Variants in PARD3 observed in about 807,000 individuals in gnomAD.
The protein encoded by PARD3 is partitioning defective 3 homolog.
PARD3 carries 75 observed loss-of-function variants against 155.4 expected under a neutral mutation model. The observed-to-expected ratio is 0.48, with a 90% CI of 0.40 to 0.58. The LOEUF (loss-of-function observed/expected upper bound fraction) is 0.58. Ranked by LOEUF, PARD3 falls within the 20% of genes least tolerant of loss-of-function variation. PARD3 has a pLI of 0.00. For missense variants in PARD3, 1,642 were observed against 1,721.7 expected (o/e 0.95, Z 0.82); for synonymous variants, 576 against 610.5 (o/e 0.94, Z 0.83).
chr10:34,534,267 A>G (rs903607286), intron 2 of PARD3, among the ~76,000 whole-genome samples: 1 of 148,016 alleles, frequency 6.8e-6, no homozygotes, highest in Non-Finnish European at 1.5e-5. Context: ...CTCCATCTCA[A>G]AAAAAAAAAA....
intron 2 of PARD3, among the ~76,000 whole-genome samples, chr10:34,536,549 G>A (rs2133845767): frequency 6.6e-6 from 1 of 152,240 alleles, no homozygotes; most frequent in South Asian, 2.1e-4. Context: ...ATATTACAAG[G>A]AAACACTATT....
chr10:34,392,465 A>G (rs2132098863), intron 7 of PARD3, among the ~76,000 whole-genome samples: 1 of 152,334 alleles, frequency 6.6e-6, no homozygotes, highest in East Asian at 1.9e-4. Context: ...GTAAGTTGAG[A>G]ATAAATTAAT....
At chr10:34,707,077 C>T (rs929538613) in intron 1 of PARD3, among the ~76,000 whole-genome samples, 1 of 151,970 alleles carries the variant, frequency 6.6e-6, no homozygotes, top group African/African-American at 2.4e-5. Flanking sequence ...GAAACCCCAT[C>T]TATACTAAAA....
chr10:34,562,298 G>A (rs1298699374), intron 2 of PARD3, among the ~76,000 whole-genome samples: 9 of 151,832 alleles, frequency 5.9e-5, no homozygotes, highest in South Asian at 2.1e-4. Context: ...TCAGCTGGGC[G>A]TGGTGGCATG....
intron 2 of PARD3, among the ~76,000 whole-genome samples, chr10:34,519,002 T>C (rs1000523817): frequency 5.3e-5 from 8 of 152,212 alleles, no homozygotes; most frequent in Admixed American, 2.6e-4. Flanking sequence ...ATTACTTTTG[T>C]GGTATTCTTG....
At chr10:34,362,175 T>C (rs920840828) in intron 12 of PARD3, among the ~76,000 whole-genome samples, 2 of 152,142 alleles carry the variant, frequency 1.3e-5, no homozygotes, top group Non-Finnish European at 2.9e-5. Flanking sequence ...GGCGGGCACC[T>C]GTAGTCCCAG....
chr10:34,707,744 A>C (rs893527329), intron 1 of PARD3, among the ~76,000 whole-genome samples: 1 of 152,156 alleles, frequency 6.6e-6, no homozygotes, highest in Non-Finnish European at 1.5e-5. Flanking sequence ...AGATAATCTC[A>C]GTGTTCACTG....
At chr10:34,425,411 A>ATTTGC (rs1410911913) in intron 5 of PARD3, among the ~76,000 whole-genome samples, 2 of 151,966 alleles carry the variant, frequency 1.3e-5, no homozygotes, top group Non-Finnish European at 2.9e-5. Context: ...AATTCCACCA[A>ATTTGC]TTTGCTTTTC....
chr10:34,470,037 G>T (rs771114934), intron 4 of PARD3, 48 bp downstream of exon 4: 26 of 1,466,968 alleles, frequency 1.8e-5, no homozygotes, highest in Non-Finnish European at 2.4e-5. Context: ...CGGACACCAA[G>T]AAGTCAGGAG....
At chr10:34,193,813 G>GA (rs920906883) in intron 22 of PARD3, among the ~76,000 whole-genome samples, 1 of 152,140 alleles carries the variant, frequency 6.6e-6, no homozygotes, top group Non-Finnish European at 1.5e-5. Flanking sequence ...CTTTATGAGA[G>GA]AAAATTCAGT....
chr10:34,805,697 C>T lies in PARD3; in HGVS notation c.120+9179G>A, dbSNP rs528891017. Among the ~76,000 whole-genome samples the T allele has an allele frequency of 2.0e-5, 3 of 152,028 alleles. No individual in the cohort carries two copies. The East Asian group carries it at 5.9e-4, about 30-fold the overall frequency. On this transcript the variant is annotated intron_variant, in intron 1 of 24. Coordinates refer to ENST00000374788, the MANE Select transcript of PARD3 (RefSeq NM_001184785.2). Reference sequence around the variant, plus strand: ...CTTGAGACAATAAGAAATTCTGGGGCCGGGCGCGGTGGCTCACGCCTGTAA... The same window carrying T: ...CTTGAGACAATAAGAAATTCTGGGGTCGGGCGCGGTGGCTCACGCCTGTAA...
chr10:34,210,061 T>A (rs930948635), intron 22 of PARD3, among the ~76,000 whole-genome samples: 1 of 152,212 alleles, frequency 6.6e-6, no homozygotes, highest in African/African-American at 2.4e-5. Context: ...TTAGAATTCA[T>A]AACAAAATGT....
At chr10:34,803,100 G>A (rs894863982) in intron 1 of PARD3, among the ~76,000 whole-genome samples, 5 of 151,110 alleles carry the variant, frequency 3.3e-5, no homozygotes, top group Admixed American at 6.6e-5. Context: ...TTAGCTGGGC[G>A]TGGTGGTGCA....
chr10:34,207,974 C>G (rs1038805121), intron 22 of PARD3, among the ~76,000 whole-genome samples: 4 of 152,226 alleles, frequency 2.6e-5, no homozygotes, highest in Non-Finnish European at 4.4e-5. Context: ...TGAGCTCTCT[C>G]TGGATAATAT....
chr10:34,411,909 A>T (rs542388773), intron 5 of PARD3, among the ~76,000 whole-genome samples: 4 of 145,972 alleles, frequency 2.7e-5, no homozygotes, highest in African/African-American at 2.6e-5. Flanking sequence ...CAAAATCTTT[A>T]TAAGCTAGTC....
intron 3 of PARD3, among the ~76,000 whole-genome samples, chr10:34,495,521 T>A (rs1176781429): frequency 6.7e-6 from 1 of 148,788 alleles, no homozygotes; most frequent in Non-Finnish European, 1.5e-5. Context: ...GTTAACTTAC[T>A]TTAAGCATTT....
intron 22 of PARD3, among the ~76,000 whole-genome samples, chr10:34,210,099 T>C (rs1951667748): frequency 6.6e-6 from 1 of 152,226 alleles, no homozygotes; most frequent in African/African-American, 2.4e-5. Context: ...TGTGTCTTTA[T>C]GAAATGTGCT....
At chr10:34,662,871 GAA>G (rs568672135) in intron 2 of PARD3, among the ~76,000 whole-genome samples, 46,562 of 123,460 alleles carry the variant, frequency 0.38, 7,419 homozygotes, top group East Asian at 0.47. Context: ...AACTGTCTCA[GAA>G]AAAAAAAAAA....
At chr10:34,690,143 C>T (rs1027276089) in intron 2 of PARD3, among the ~76,000 whole-genome samples, 3 of 152,118 alleles carry the variant, frequency 2.0e-5, no homozygotes, top group African/African-American at 7.2e-5. Context: ...GGGATTTCGC[C>T]ATGCTGGCCA....
Sources: gnomAD v4.1 joint callset for allele counts (sites outside exome capture counted in the v4.1 genomes callset) on GRCh38, gnomAD v4.1.1 for gene constraint, MANE v1.5 for transcripts, NCBI Gene and HGNC (gene_info 2026-07-23, HGNC 2026-07-21) for gene names.